Variants in ABHD16A observed in about 807,000 individuals in gnomAD.
ABHD16A encodes the protein abhydrolase domain containing 16A, phospholipase, also known as phosphatidylserine lipase ABHD16A.
ABHD16A carries 47 observed loss-of-function variants against 89.8 expected under a neutral mutation model. The observed-to-expected ratio is 0.52, with a 90% CI of 0.41 to 0.67. The LOEUF is 0.67. Ranked by LOEUF, ABHD16A falls within the 30% of genes least tolerant of loss-of-function variation. The pLI, the probability that ABHD16A is intolerant of heterozygous loss-of-function variation, is 0.00. For synonymous variants in ABHD16A, 251 were observed against 280.4 expected, an observed-to-expected ratio of 0.90 and a Z score of 1.05; for missense variants, 580 against 734.6, an observed-to-expected ratio of 0.79 and a Z score of 2.43.
chr6:31,689,971 G>A (rs1366489674), intron 11 of ABHD16A, 107 bp downstream of exon 11: 2 of 1,316,762 alleles, frequency 1.5e-6, no homozygotes, highest in East Asian at 2.6e-5. Context: ...CCTCAGGTGA[G>A]TGGGACGCCT....
chr6:31,696,024 C>T (rs1388851840), intron 5 of ABHD16A, among the ~76,000 whole-genome samples: 2 of 151,778 alleles, frequency 1.3e-5, no homozygotes, highest in South Asian at 2.1e-4. Context: ...ATTAGCCGGG[C>T]GTGGTGGCAG....
chr6:31,688,387 G>T lies in ABHD16A; in HGVS notation c.1251-82C>A. On this transcript the variant is annotated intron_variant, in intron 14 of 19. Coordinates refer to ENST00000395952, the MANE Select transcript of ABHD16A (RefSeq NM_021160.3). This position sits in a 1 kb window ranked among gnomAD's most constrained non-coding sequence, Gnocchi z 4.9. ...GCCCACCCCTATCCCTGCACTGGTA[G>T]CATTCTTACCCTCCCCTTGCTATAG... 1 of 1,392,528 alleles carries T rather than the reference G, an allele frequency of 7.2e-7. No individual in the cohort carries two copies. The highest frequency in any genetic ancestry group is 1.0e-6 in the Non-Finnish European group (1 of 982,708). The allele number at this position is 1,392,528 out of a possible 1,614,324, so 86.3% of individuals were successfully genotyped here.
Position 31,698,267 on chromosome 6 carries a change from A to G in ABHD16A, c.344-1234T>C, listed in dbSNP as rs1804581368. On this transcript the variant is annotated intron_variant, in intron 4 of 19. Coordinates refer to ENST00000395952, the MANE Select transcript of ABHD16A (RefSeq NM_021160.3). The surrounding 1 kb of genome is among the most constrained non-coding windows in gnomAD (Gnocchi z 4.1). ...TATGTGCCAGAAAAAAAAAAAACCC[A>G]CACCAAATGACAATTATTACTTCTG... Among the ~76,000 whole-genome samples, 1 of 151,114 alleles carries G rather than the reference A, an allele frequency of 6.6e-6. No homozygotes were observed. Among genetic ancestry groups the G allele is most frequent in the Admixed American group, 6.6e-5 (1 of 15,170 alleles).
chr6:31,689,978 G>A (rs1178304471), intron 11 of ABHD16A, 100 bp downstream of exon 11: 4 of 1,343,518 alleles, frequency 3.0e-6, no homozygotes, highest in Non-Finnish European at 4.0e-6. Context: ...TGAGTGGGAC[G>A]CCTTCAAGAA....
At position 31,693,552 on chromosome 6, in the gene ABHD16A, C is replaced by T. The variant is rs1804114866; in HGVS notation, c.430-120G>A. ...CCCCACACATCATGGGGAAACCAAG[C>T]GGAGGTCAATACCCTCCCAATTCTC... On this transcript the variant is annotated intron_variant, in intron 5 of 19. Transcript: ENST00000395952. This position sits in a 1 kb window ranked among gnomAD's most constrained non-coding sequence, Gnocchi z 5.0. The T allele has an allele frequency of 1.1e-6, 1 of 927,110 alleles. No individual in the cohort carries two copies. 57.4% of individuals were successfully genotyped at this position (927,110 alleles called of 1,614,324 possible).
chr6:31,689,259 C>T (rs1803615833), intron 12 of ABHD16A, 140 bp from the exon 13 acceptor site: 1 of 828,438 alleles, frequency 1.2e-6, no homozygotes, highest in South Asian at 1.8e-5. Context: ...ACCTACTTCA[C>T]TTGGTTAGGG....
intron 7 of ABHD16A, 125 bp downstream of exon 7, chr6:31,692,902 T>C (rs1377776538): frequency 3.0e-6 from 4 of 1,332,436 alleles, no homozygotes; most frequent in Non-Finnish European, 4.2e-6. Flanking sequence ...ATAAATGATC[T>C]ACACAAACCA....
rs905081097 is a variant in ABHD16A, at chr6:31,689,518, T to C, written c.1081+63A>G. 1.4e-5 allele frequency: 20 copies of C among 1,470,942 alleles called. 1 individual carries two copies. The Admixed American group carries it at 1.5e-4, about 11-fold the overall frequency. 91.1% of individuals were successfully genotyped at this position (1,470,942 alleles called of 1,614,324 possible). A position where few individuals can be genotyped will look rare whatever the true frequency, so the allele number is the denominator to read the frequency against. On this transcript the variant is annotated intron_variant, in intron 12 of 19. Coordinates refer to ENST00000395952, the MANE Select transcript of ABHD16A (RefSeq NM_021160.3). ...CCACCCCACCCCATTTCCCCACCTC[T>C]CCCGGGTGGGGCTGGGTGGTCATGA...
intron 12 of ABHD16A, 130 bp downstream of exon 12, chr6:31,689,451 C>T: frequency 7.7e-7 from 1 of 1,302,776 alleles, no homozygotes; most frequent in South Asian, 1.6e-5. Context: ...TCTTCCAGGC[C>T]CACTCAGAGA....
At position 31,687,819 on chromosome 6, in the gene ABHD16A, C is replaced by T; in HGVS notation, c.1447+5G>A. On this transcript the variant is annotated splice_donor_5th_base_variant and intron_variant, in intron 17 of 19. Transcript: ENST00000395952. The surrounding 1 kb of genome is among the most constrained non-coding windows in gnomAD (Gnocchi z 6.3). ...CGCCCCAAGCCTCACTGGATCCCTT[C>T]TCACCTTCCTCCAGCTGTGAGGAGG... 1 of 1,612,996 alleles carries T rather than the reference C, an allele frequency of 6.2e-7. No individual in the cohort carries two copies. Among genetic ancestry groups the T allele is most frequent in the Non-Finnish European group, 8.5e-7 (1 of 1,180,020 alleles).
chr6:31,698,887 G>C lies in ABHD16A; in HGVS notation c.344-1854C>G, dbSNP rs1160504890. On this transcript the variant is annotated intron_variant, in intron 4 of 19. Coordinates refer to ENST00000395952, the MANE Select transcript of ABHD16A (RefSeq NM_021160.3). The surrounding 1 kb of genome is among the most constrained non-coding windows in gnomAD (Gnocchi z 4.1). ...TTGAAGCATCGCCCATCACCTGGTTGTCATCTTATGTACCCACTAGGGGTA... is the reference window on the plus strand; with the variant it reads ...TTGAAGCATCGCCCATCACCTGGTTCTCATCTTATGTACCCACTAGGGGTA... 2.0e-5 allele frequency among the ~76,000 whole-genome samples: 3 copies of C among 152,070 alleles called. No individual in the cohort carries two copies. The highest frequency in any genetic ancestry group is 6.6e-5 in the Admixed American group (1 of 15,266).
At chr6:31,696,713 G>C (rs1268288466) in intron 5 of ABHD16A, among the ~76,000 whole-genome samples, 2 of 152,310 alleles carry the variant, frequency 1.3e-5, no homozygotes, top group South Asian at 4.1e-4. Context: ...GAGGGAGGGG[G>C]AAGATTGTTC....
chr6:31,689,795 A>C, intron 11 of ABHD16A, 91 bp from the exon 12 acceptor site: 2 of 1,507,304 alleles, frequency 1.3e-6, no homozygotes, highest in East Asian at 2.3e-5. Flanking sequence ...GCAGCCACCT[A>C]TGACAGGCAG....
intron 4 of ABHD16A, among the ~76,000 whole-genome samples, chr6:31,699,806 CA>C (rs1804755720): frequency 6.6e-6 from 1 of 152,124 alleles, no homozygotes; most frequent in Non-Finnish European, 1.5e-5. Context: ...TACAGTAGCG[CA>C]ATCTTGGCTC....
chr6:31,687,571 G>A lies in ABHD16A; in HGVS notation c.1547-27C>T, dbSNP rs1456395959. ...TGCAGAGAGGAGGCGCTCAAAATAG[G>A]CCACACATCTGGGTATTCATCCCCT... On this transcript the variant is annotated intron_variant, in intron 18 of 19. Coordinates refer to ENST00000395952, the MANE Select transcript of ABHD16A (RefSeq NM_021160.3). The surrounding 1 kb of genome is among the most constrained non-coding windows in gnomAD (Gnocchi z 6.3). 6.2e-7 allele frequency: 1 copy of A among 1,612,950 alleles called. No individual in the cohort carries two copies. The highest frequency in any genetic ancestry group is 2.2e-5 in the East Asian group (1 of 44,878).
intron 8 of ABHD16A, 53 bp from the exon 9 acceptor site, chr6:31,691,733 CAG>C: frequency 2.4e-5 from 6 of 247,912 alleles, no homozygotes; most frequent in Non-Finnish European, 4.4e-5. Flanking sequence ...GGCCACATCA[CAG>C]GGGTGGGGCG....
In ABHD16A at chr6:31,698,156, A is replaced by G. The variant is rs1208488095; in HGVS notation, c.344-1123T>C. On this transcript the variant is annotated intron_variant, in intron 4 of 19. Transcript: ENST00000395952. The surrounding 1 kb of genome is among the most constrained non-coding windows in gnomAD (Gnocchi z 4.1). ...ATAGATTCTAAAATGTATATTTTTT[A>G]ACCCTTGAAAACTCTGAAATTAGAA... Among the ~76,000 whole-genome samples the G allele has an allele frequency of 6.6e-6, 1 of 152,186 alleles. No individual in the cohort carries two copies. The highest frequency in any genetic ancestry group is 2.4e-5 in the African/African-American group (1 of 41,458).
At chr6:31,692,086 T>C in intron 7 of ABHD16A, 168 bp from the exon 8 acceptor site, 1 of 574,620 alleles carries the variant, frequency 1.7e-6, no homozygotes, top group South Asian at 2.7e-5. Context: ...CAGGCTAGTG[T>C]TTTGCAAACT....
chr6:31,691,749 TG>T, intron 8 of ABHD16A, 54 bp downstream of exon 8: 1 of 118,758 alleles, frequency 8.4e-6, no homozygotes, highest in Non-Finnish European at 1.6e-5. Flanking sequence ...TGGGGCGGGG[TG>T]GGTGGGGGTG....
Sources: gnomAD v4.1 joint callset for allele counts (sites outside exome capture counted in the v4.1 genomes callset) on GRCh38, gnomAD v4.1.1 for gene constraint, Gnocchi (gnomAD v3.1) non-coding constraint, MANE v1.5 for transcripts, NCBI Gene and HGNC (gene_info 2026-07-23, HGNC 2026-07-21) for gene names.